Variants in KIAA0319 observed in about 807,000 individuals in gnomAD.
KIAA0319 encodes the protein KIAA0319.
A neutral mutation model predicts 108.4 loss-of-function variants in KIAA0319; 83 were observed. The ratio of observed to expected loss-of-function variants is 0.77; its 90% confidence interval spans 0.64 to 0.92. KIAA0319 has a LOEUF of 0.92. KIAA0319 is among the 40% of genes least tolerant of loss of function. The pLI is 0.00. For missense variants in KIAA0319, 1,195 were observed against 1,322.4 expected (o/e 0.90, Z 1.49); for synonymous variants, 484 against 510.4 (o/e 0.95, Z 0.70).
At chr6:24,562,797 C>A (rs554206048) in intron 16 of KIAA0319, among the ~76,000 whole-genome samples, 1 of 152,072 alleles carries the variant, frequency 6.6e-6, no homozygotes, top group East Asian at 1.9e-4. Context: ...TGAGACCATG[C>A]CACTGCACTT....
At chr6:24,574,880 T>A (rs1223354465) in intron 10 of KIAA0319, among the ~76,000 whole-genome samples, 3 of 152,238 alleles carry the variant, frequency 2.0e-5, no homozygotes, top group Non-Finnish European at 4.4e-5. Flanking sequence ...AAAGTATAAT[T>A]TCCCAGGAGT....
At chr6:24,575,714 G>A (rs1765380850) in intron 10 of KIAA0319, among the ~76,000 whole-genome samples, 1 of 151,226 alleles carries the variant, frequency 6.6e-6, no homozygotes, top group Non-Finnish European at 1.5e-5. Flanking sequence ...ATTTGAAGGA[G>A]AAAAGGAAGA....
chr6:24,604,889 G>GGAGT (rs1771175741), intron 1 of KIAA0319, among the ~76,000 whole-genome samples: 1 of 152,122 alleles, frequency 6.6e-6, no homozygotes, highest in South Asian at 2.1e-4. Context: ...CACCCAGGCT[G>GGAGT]GAGTGCAATG....
intron 1 of KIAA0319, among the ~76,000 whole-genome samples, chr6:24,614,033 G>A (rs569532848): frequency 3.3e-5 from 5 of 152,212 alleles, no homozygotes; most frequent in African/African-American, 7.2e-5. Flanking sequence ...CCATTTCACC[G>A]CAGTTGAGTT....
chr6:24,576,661 T>G, intron 9 of KIAA0319, 65 bp from the exon 10 acceptor site: 1 of 1,294,040 alleles, frequency 7.7e-7, no homozygotes, highest in Non-Finnish European at 1.1e-6. Flanking sequence ...GACTCACGCC[T>G]GTAATCCCAA....
At position 24,547,160 on chromosome 6, in the gene KIAA0319, C is replaced by T. The variant is rs200649619; in HGVS notation, c.*5G>A. 3.3e-4 allele frequency: 527 copies of T among 1,613,882 alleles called. 2 individuals are homozygous for T. The African/African-American group carries it at 5.6e-3, about 17-fold the overall frequency. On this transcript the variant is annotated 3_prime_UTR_variant, in exon 21 of 21. Transcript: ENST00000378214. The stretch of plus-strand genomic sequence containing the variant: ...GGTCCTTCCACTTTACAATGAACTG[C>T]GCCATTATCTGTCCTTTGAGCAATA...
At chr6:24,642,169 A>G in intron 1 of KIAA0319, among the ~76,000 whole-genome samples, 1 of 92,242 alleles carries the variant, frequency 1.1e-5, no homozygotes, top group African/African-American at 4.7e-5. Flanking sequence ...GAGGGAGGGA[A>G]GTAAGGGAAA....
At chr6:24,563,816 G>C (rs1763442707) in intron 15 of KIAA0319, among the ~76,000 whole-genome samples, 1 of 152,152 alleles carries the variant, frequency 6.6e-6, no homozygotes, top group Admixed American at 6.5e-5. Flanking sequence ...GGACCAGAAA[G>C]AGAATTTTGC....
At chr6:24,621,675 A>G (rs557630133) in intron 1 of KIAA0319, among the ~76,000 whole-genome samples, 3 of 152,336 alleles carry the variant, frequency 2.0e-5, no homozygotes, top group East Asian at 3.9e-4. Context: ...AAGAAAATAA[A>G]CCATAACAAC....
chr6:24,551,181 G>A (rs558166042), intron 20 of KIAA0319, among the ~76,000 whole-genome samples: 2 of 150,774 alleles, frequency 1.3e-5, no homozygotes, highest in Non-Finnish European at 3.0e-5. Flanking sequence ...TAGAGATGGT[G>A]TCACCATGTT....
chr6:24,586,083 G>A (rs1389618625), intron 4 of KIAA0319, among the ~76,000 whole-genome samples: 6 of 152,146 alleles, frequency 3.9e-5, no homozygotes, highest in African/African-American at 7.2e-5. Context: ...GCAAGACTCC[G>A]TCTCAAAACA....
intron 1 of KIAA0319, among the ~76,000 whole-genome samples, chr6:24,644,263 C>T (rs1269740963): frequency 3.9e-5 from 6 of 151,998 alleles, no homozygotes; most frequent in Admixed American, 3.9e-4. Context: ...GGTTCCCACT[C>T]TGAACCAGGG....
chr6:24,627,389 T>C (rs1288547311), intron 1 of KIAA0319, among the ~76,000 whole-genome samples: 1 of 152,190 alleles, frequency 6.6e-6, no homozygotes, highest in Non-Finnish European at 1.5e-5. Flanking sequence ...TGCTCAGTCA[T>C]AGCCATGGAA....
At chr6:24,571,076 C>A (rs1764654462) in intron 11 of KIAA0319, among the ~76,000 whole-genome samples, 2 of 151,668 alleles carry the variant, frequency 1.3e-5, no homozygotes, top group Admixed American at 6.6e-5. Context: ...TCTGTAATCC[C>A]AGCTATTCAG....
chr6:24,596,760 G>A (rs921535742), intron 2 of KIAA0319, 142 bp from the exon 3 acceptor site: 3 of 713,076 alleles, frequency 4.2e-6, no homozygotes, highest in African/African-American at 3.5e-5. Context: ...CACACAGAAA[G>A]ATCACAGCAA....
At chr6:24,610,984 A>C (rs115843476) in intron 1 of KIAA0319, among the ~76,000 whole-genome samples, 2,677 of 152,280 alleles carry the variant, frequency 0.018, 44 homozygotes, top group Middle Eastern at 0.058. Flanking sequence ...AACAAACAAA[A>C]AAACCCAAAA....
intron 5 of KIAA0319, among the ~76,000 whole-genome samples, chr6:24,582,634 A>G (rs699461): frequency 0.46 from 67,877 of 148,754 alleles, 16,446 homozygotes; most frequent in African/African-American, 0.62. Context: ...TACGTCTTAC[A>G]GGAAATTTTT....
chr6:24,588,460 G>A, intron 4 of KIAA0319, 133 bp downstream of exon 4: 1 of 736,684 alleles, frequency 1.4e-6, no homozygotes, highest in Non-Finnish European at 2.4e-6. Flanking sequence ...CCAGTATGCA[G>A]CACCGTTTCT....
chr6:24,576,367 C>T lies in KIAA0319; in HGVS notation c.1734+1G>A. 6.2e-7 allele frequency: 1 copy of T among 1,613,266 alleles called. No individual in the cohort carries two copies. The highest frequency in any genetic ancestry group is 1.1e-5 in the South Asian group (1 of 91,044). Reference sequence around the variant, plus strand: ...GTCTGAAGGCAGGATGGAGAACTTGCCTGCATGACCACATGTTTGCCCTCA... The same window carrying T: ...GTCTGAAGGCAGGATGGAGAACTTGTCTGCATGACCACATGTTTGCCCTCA... On this transcript the variant is annotated splice_donor_variant, in intron 10 of 20. Coordinates refer to ENST00000378214, the MANE Select transcript of KIAA0319 (RefSeq NM_014809.4). LOFTEE classifies it high-confidence loss of function.
Sources: allele counts gnomAD v4.1 joint callset (sites outside exome capture counted in the v4.1 genomes callset), GRCh38; gene constraint gnomAD v4.1.1; transcripts MANE v1.5; gene names NCBI Gene and HGNC (gene_info 2026-07-23, HGNC 2026-07-21).